The following NRXN3 variants were observed in gnomAD, a reference collection of about 807,000 sequenced individuals.
NRXN3 encodes neurexin III.
NRXN3 carries 32 observed loss-of-function variants against 137.6 expected under a neutral mutation model. That is an observed-to-expected ratio of 0.23 (90% CI 0.18 to 0.31). NRXN3 has a LOEUF of 0.31. Ranked by LOEUF, NRXN3 falls within the 10% of genes least tolerant of loss-of-function variation. The probability of loss-of-function intolerance (pLI) is 1.00; values close to 1 mark genes in which losing one functional copy is unlikely to be tolerated. For synonymous variants in NRXN3, 798 were observed against 784.5 expected (o/e 1.02, Z -0.29); for missense variants, 1,574 against 2,062.5 (o/e 0.76, Z 4.59).
rs1010245931 is a variant in NRXN3 at position 78,242,837 on chromosome 14, C to T, written c.-257C>T. On this transcript the variant is annotated 5_prime_UTR_variant, in exon 2 of 21. Transcript: ENST00000335750. ...TCCCTCACTTCCCCACCTGATTTTC[C>T]TCCTCTTCTGCTGGTCCTGTCTTTT... The T allele has an allele frequency of 2.2e-6, 1 of 453,326 alleles. No individual in the cohort carries two copies. The highest frequency in any genetic ancestry group is 3.9e-6 in the Non-Finnish European group (1 of 259,064). The allele number at this position is 453,326 out of a possible 1,614,324, so 28.1% of individuals were successfully genotyped here.
At chr14:78,703,185 AG>A (rs2098306673) in intron 6 of NRXN3, among the ~76,000 whole-genome samples, 1 of 152,252 alleles carries the variant, frequency 6.6e-6, no homozygotes, top group South Asian at 2.1e-4. Context: ...CTTGCTCATA[AG>A]GTGTTCGAAA....
rs1289923081 is a variant in NRXN3 at position 78,803,790 on chromosome 14, G to C, written c.2215G>C (p.Asp739His). 6.2e-7 allele frequency: 1 copy of C among 1,613,886 alleles called. No individual in the cohort carries two copies. Among genetic ancestry groups the C allele is most frequent in the African/African-American group, 1.3e-5 (1 of 74,932 alleles). The change falls in exon 9 of 21, where the codon GAT becomes CAT. Residue 739 changes from aspartate to histidine, a missense_variant. Transcript: ENST00000335750. ...TGCCGACACCCTGCGTCTGGAGCTG[G>C]ATGGGGGGCGTGTCAAGCTCATGGT... is the stretch of plus-strand genomic sequence containing the variant. ...DSADTLRLEL[D>H]GGRVKLMVNL...
At chr14:79,491,885 A>C (rs1028986018) in intron 16 of NRXN3, among the ~76,000 whole-genome samples, 1 of 152,222 alleles carries the variant, frequency 6.6e-6, no homozygotes, top group Non-Finnish European at 1.5e-5. Flanking sequence ...TTGTTTTGCT[A>C]TTTAAAAAAT....
At chr14:78,589,730 C>T (rs2097099273) in intron 4 of NRXN3, among the ~76,000 whole-genome samples, 1 of 152,142 alleles carries the variant, frequency 6.6e-6, no homozygotes, top group South Asian at 2.1e-4. Flanking sequence ...CCTGGGGCAG[C>T]AGGTGTGTCT....
intron 4 of NRXN3, among the ~76,000 whole-genome samples, chr14:78,574,689 AT>A (rs1013628756): frequency 1.3e-5 from 2 of 152,166 alleles, no homozygotes; most frequent in Non-Finnish European, 1.5e-5. Context: ...CATGCTTTTT[AT>A]TTTACAGGCT....
intron 15 of NRXN3, among the ~76,000 whole-genome samples, chr14:79,079,978 AC>A (rs1436019954): frequency 6.6e-6 from 1 of 152,066 alleles, no homozygotes; most frequent in Non-Finnish European, 1.5e-5. Context: ...ACAGAGTGAG[AC>A]TCCATCTCAA....
In NRXN3 at chr14:79,689,965, G is replaced by A. The variant is rs185763087; in HGVS notation, c.3617-2208G>A. Among the ~76,000 whole-genome samples the A allele has an allele frequency of 6.6e-5, 10 of 152,136 alleles. No individual in the cohort carries two copies. The East Asian group carries it at 1.4e-3, about 21-fold the overall frequency. On this transcript the variant is annotated intron_variant, in intron 17 of 20. Coordinates refer to ENST00000335750, the MANE Select transcript of NRXN3 (RefSeq NM_001330195.2). ...AATATTTAGCTTTATACTTGCTATC[G>A]ACTACACCAATCTATTCCGTAGTGA...
chr14:78,681,505 T>C (rs1221818023), intron 6 of NRXN3, among the ~76,000 whole-genome samples: 1 of 152,232 alleles, frequency 6.6e-6, no homozygotes, highest in East Asian at 1.9e-4. Flanking sequence ...GATCAGTGGT[T>C]TGTAAATTGC....
chr14:79,823,452 T>G (rs1481760911), intron 20 of NRXN3, among the ~76,000 whole-genome samples: 1 of 152,186 alleles, frequency 6.6e-6, no homozygotes, highest in East Asian at 1.9e-4. Flanking sequence ...GGCGCATGCC[T>G]ATAGTTCCAG....
intron 8 of NRXN3, among the ~76,000 whole-genome samples, chr14:78,742,932 A>G (rs1477407338): frequency 2.0e-5 from 3 of 152,226 alleles, no homozygotes; most frequent in Admixed American, 1.3e-4. Context: ...TCATTAAACA[A>G]TTCAATAATT....
intron 15 of NRXN3, among the ~76,000 whole-genome samples, chr14:79,402,342 G>A (rs989354209): frequency 7.2e-5 from 11 of 152,146 alleles, no homozygotes; most frequent in African/African-American, 1.2e-4. Context: ...ACTTAAAAAT[G>A]TGCAATGCAC....
intron 15 of NRXN3, among the ~76,000 whole-genome samples, chr14:79,347,426 CTTTT>C (rs750931814): frequency 7.0e-6 from 1 of 142,562 alleles, no homozygotes; most frequent in African/African-American, 2.6e-5. Context: ...CAACGTTTTC[CTTTT>C]TTTTTTTTTG....
intron 8 of NRXN3, among the ~76,000 whole-genome samples, chr14:78,739,385 C>G (rs891059118): frequency 1.3e-5 from 2 of 152,186 alleles, no homozygotes; most frequent in African/African-American, 4.8e-5. Context: ...GCATCATAAC[C>G]TCTTTACAGG....
chr14:79,463,911 T>C (rs796951632), intron 15 of NRXN3, among the ~76,000 whole-genome samples: 1 of 152,312 alleles, frequency 6.6e-6, no homozygotes, highest in Non-Finnish European at 1.5e-5. Context: ...AGTTGATTTG[T>C]AATCCACATT....
At chr14:79,476,369 C>T (rs552077680) in intron 16 of NRXN3, among the ~76,000 whole-genome samples, 3 of 152,132 alleles carry the variant, frequency 2.0e-5, no homozygotes, top group South Asian at 2.1e-4. Context: ...TCCTGGCCTG[C>T]GATGACACCT....
intron 3 of NRXN3, among the ~76,000 whole-genome samples, chr14:78,288,218 G>A (rs1340304843): frequency 2.0e-5 from 3 of 152,274 alleles, no homozygotes; most frequent in African/African-American, 7.2e-5. Flanking sequence ...GCCCTCAGGT[G>A]ATCCACCCGC....
At chr14:79,672,097 G>A (rs1338623341) in intron 17 of NRXN3, among the ~76,000 whole-genome samples, 2 of 151,998 alleles carry the variant, frequency 1.3e-5, no homozygotes, top group Non-Finnish European at 2.9e-5. Context: ...TGTGAACAGG[G>A]CATGCTTTTG....
At position 79,246,033 on chromosome 14, in the gene NRXN3, G is replaced by A. The variant is rs188774919; in HGVS notation, c.3263-221188G>A. On this transcript the variant is annotated intron_variant, in intron 15 of 20. Transcript: ENST00000335750. The stretch of plus-strand genomic sequence containing the variant: ...TGAAAACATTTCACAAAAACCAGAA[G>A]AGGAAAACAAACCAAAAAGAAATAT... Among the ~76,000 whole-genome samples, 263 of 152,264 alleles carry A rather than the reference G, an allele frequency of 1.7e-3. 1 individual carries two copies. Among genetic ancestry groups the A allele is most frequent in the African/African-American group, 5.8e-3 (243 of 41,570 alleles).
intron 16 of NRXN3, among the ~76,000 whole-genome samples, chr14:79,574,952 T>TAA (rs140263226): frequency 5.3e-5 from 8 of 151,094 alleles, no homozygotes; most frequent in African/African-American, 1.7e-4. Flanking sequence ...ATTCTTGCTT[T>TAA]AAAAAAAAAT....
Sources: gnomAD v4.1 joint callset for allele counts (sites outside exome capture counted in the v4.1 genomes callset) on GRCh38, gnomAD v4.1.1 for gene constraint, MANE v1.5 for transcripts, NCBI Gene and HGNC (gene_info 2026-07-23, HGNC 2026-07-21) for gene names.